DPP6: variants seen among roughly 807,000 people sequenced by gnomAD.
The protein encoded by DPP6 is A-type potassium channel modulatory protein DPP6.
Under a neutral mutation model 122.6 loss-of-function variants are expected in DPP6, and 69 were observed. The ratio of observed to expected loss-of-function variants is 0.56; its 90% CI spans 0.46 to 0.69. The LOEUF (loss-of-function observed/expected upper bound fraction) is 0.69, where lower values mean the gene tolerates loss of function less well. DPP6 is among the 30% of genes least tolerant of loss of function. DPP6 has a pLI of 0.00. For missense variants in DPP6, 928 were observed against 1,116.9 expected (o/e 0.83, Z 2.41); for synonymous variants, 418 against 433.1 (o/e 0.97, Z 0.43).
chr7:154,439,788 G>A (rs1182051072), intron 1 of DPP6, among the ~76,000 whole-genome samples: 1 of 152,198 alleles, frequency 6.6e-6, no homozygotes, highest in Non-Finnish European at 1.5e-5. Flanking sequence ...AGGGTGGTGG[G>A]TAGGATTTCA....
chr7:153,982,176 A>G (rs1490737309), intron 1 of DPP6, among the ~76,000 whole-genome samples: 1 of 151,940 alleles, frequency 6.6e-6, no homozygotes, highest in Non-Finnish European at 1.5e-5. Context: ...ACTTTCAGGT[A>G]CACCAATCAA....
chr7:154,284,194 C>T (rs1469856753), intron 1 of DPP6, among the ~76,000 whole-genome samples: 1 of 152,072 alleles, frequency 6.6e-6, no homozygotes. Flanking sequence ...CTGTGAGATG[C>T]CTGTGTAGGT....
At chr7:154,449,135 C>T (rs1820134383) in intron 2 of DPP6, among the ~76,000 whole-genome samples, 1 of 151,416 alleles carries the variant, frequency 6.6e-6, no homozygotes, top group Non-Finnish European at 1.5e-5. Flanking sequence ...AAAAGACAAC[C>T]CACCGAATGG....
chr7:154,165,953 G>A (rs1484218875), intron 1 of DPP6, among the ~76,000 whole-genome samples: 1 of 152,146 alleles, frequency 6.6e-6, no homozygotes, highest in East Asian at 1.9e-4. Context: ...AGTTTAAAAT[G>A]AGCAGTTTTA....
intron 1 of DPP6, among the ~76,000 whole-genome samples, chr7:154,219,958 G>A (rs1800211472): frequency 1.3e-5 from 2 of 152,314 alleles, no homozygotes; most frequent in South Asian, 4.1e-4. Context: ...GCCGAGAATT[G>A]TGGTGGCTGT....
intron 1 of DPP6, among the ~76,000 whole-genome samples, chr7:154,274,583 C>A (rs563605788): frequency 1.3e-5 from 2 of 152,288 alleles, no homozygotes; most frequent in African/African-American, 4.8e-5. Flanking sequence ...AATGGAGATG[C>A]TTCCATGCAC....
intron 1 of DPP6, among the ~76,000 whole-genome samples, chr7:154,385,085 C>T (rs1813973734): frequency 6.6e-6 from 1 of 152,162 alleles, no homozygotes; most frequent in Admixed American, 6.5e-5. Flanking sequence ...ATTCTCCTGC[C>T]TCAGCCTCCC....
At chr7:154,527,149 T>C (rs991647238) in intron 3 of DPP6, among the ~76,000 whole-genome samples, 66 of 152,348 alleles carry the variant, frequency 4.3e-4, no homozygotes, top group Non-Finnish European at 9.4e-4. Context: ...TGTTTGTTTT[T>C]TAAGTATCAT....
chr7:154,187,393 G>A (rs1563293328), intron 1 of DPP6, among the ~76,000 whole-genome samples: 2 of 152,190 alleles, frequency 1.3e-5, no homozygotes, highest in East Asian at 1.9e-4. Flanking sequence ...TAGACTGAAT[G>A]TGCACGAGAG....
chr7:154,766,642 G>T (rs924266241), intron 8 of DPP6, among the ~76,000 whole-genome samples: 1 of 152,164 alleles, frequency 6.6e-6, no homozygotes, highest in East Asian at 1.9e-4. Context: ...TGATGGTTTT[G>T]TTCTACCTCC....
intron 1 of DPP6, among the ~76,000 whole-genome samples, chr7:154,060,093 G>C (rs1306451768): frequency 6.2e-5 from 9 of 144,646 alleles, no homozygotes; most frequent in Non-Finnish European, 9.2e-5. Flanking sequence ...CCATCGCAGG[G>C]GGGGAGGCAA....
chr7:154,785,530 T>A (rs1237559495), intron 10 of DPP6, among the ~76,000 whole-genome samples: 1 of 152,240 alleles, frequency 6.6e-6, no homozygotes, highest in Non-Finnish European at 1.5e-5. Context: ...TTGTTCATGT[T>A]ACATTAACTA....
chr7:154,339,108 C>T (rs1312361805), intron 1 of DPP6, among the ~76,000 whole-genome samples: 3 of 152,172 alleles, frequency 2.0e-5, no homozygotes, highest in Admixed American at 6.5e-5. Flanking sequence ...TGTGTGGGGC[C>T]GGTCCTTGGT....
At chr7:153,777,852 C>A in the DPP6 span, among the ~76,000 whole-genome samples, 1 of 144,672 alleles carries the variant, frequency 6.9e-6, no homozygotes, top group Middle Eastern at 3.4e-3. Context: ...TCAAAATATA[C>A]GAAATTGTAC....
chr7:154,444,486 C>G (rs778807913), intron 1 of DPP6, among the ~76,000 whole-genome samples: 1 of 152,108 alleles, frequency 6.6e-6, no homozygotes, highest in Non-Finnish European at 1.5e-5. Flanking sequence ...AGAAACAATA[C>G]TCAAAAGATA....
intron 1 of DPP6, among the ~76,000 whole-genome samples, chr7:154,168,546 C>G (rs968138092): frequency 3.9e-5 from 6 of 152,152 alleles, no homozygotes; most frequent in African/African-American, 1.4e-4. Flanking sequence ...TGATGATAAC[C>G]AAGGCTGATA....
intron 1 of DPP6, among the ~76,000 whole-genome samples, chr7:154,211,608 G>C (rs1398750159): frequency 6.6e-6 from 1 of 152,136 alleles, no homozygotes; most frequent in Non-Finnish European, 1.5e-5. Context: ...CGCATTTATG[G>C]CTCTCTTTTT....
At chr7:154,684,180 C>G (rs1839456013) in intron 7 of DPP6, among the ~76,000 whole-genome samples, 1 of 152,152 alleles carries the variant, frequency 6.6e-6, no homozygotes, top group Non-Finnish European at 1.5e-5. Context: ...AGGACACACT[C>G]TTAATCCCCC....
At chr7:154,396,054 G>A (rs569413312) in intron 1 of DPP6, among the ~76,000 whole-genome samples, 21 of 151,554 alleles carry the variant, frequency 1.4e-4, no homozygotes, top group Non-Finnish European at 2.8e-4. Context: ...TTATGACTTC[G>A]GAAGAGAATA....
Sources: allele counts gnomAD v4.1 joint callset (sites outside exome capture counted in the v4.1 genomes callset), GRCh38; gene constraint gnomAD v4.1.1; transcripts MANE v1.5; gene names NCBI Gene and HGNC (gene_info 2026-07-23, HGNC 2026-07-21).